The following IL17D variants were observed in gnomAD, a reference collection of about 807,000 sequenced individuals.
The protein encoded by IL17D is interleukin-17D.
Under a neutral mutation model 5.7 loss-of-function variants are expected in IL17D, and 10 were observed. The observed-to-expected ratio is 1.75, with a 90% CI of 1.08 to 2.97. The LOEUF is 2.97. Ranked by LOEUF, IL17D falls within the 30% of genes most tolerant of loss-of-function variation. The pLI is 0.00. For missense variants in IL17D, 354 were observed against 292.7 expected (o/e 1.21, Z -1.53); for synonymous variants, 172 against 141.7 (o/e 1.21, Z -1.52).
rs943611165 is a variant in IL17D at position 20,716,027 on chromosome 13, G to A, written c.291-5609G>A. ...TGCGATTACAGGCATGAGCCACCGC[G>A]CCCGGCCAGAATCGACACTTTTAAC... On this transcript the variant is annotated intron_variant, in intron 1 of 1. Transcript: ENST00000682841. The surrounding 1 kb of genome is among the most constrained non-coding windows in gnomAD (Gnocchi z 4.2). 3.1e-5 allele frequency: 29 copies of A among 942,160 alleles called. No homozygotes were observed. The highest frequency in any genetic ancestry group is 1.2e-4 in the East Asian group (1 of 8,614). 58.4% of individuals were successfully genotyped at this position (942,160 alleles called of 1,614,324 possible).
chr13:20,703,134 C>T (rs2058557534), upstream of IL17D: 1 of 259,868 alleles, frequency 3.8e-6, no homozygotes, highest in Non-Finnish European at 6.0e-6. Context: ...GCCCTCTCCT[C>T]CTCCTGCGTG....
intron 1 of IL17D, chr13:20,713,667 C>T (rs548700622): frequency 1.3e-5 from 2 of 152,314 alleles, no homozygotes; most frequent in Non-Finnish European, 1.5e-5. Context: ...TTGCAATGCT[C>T]CTCACCTGAA....
chr13:20,711,446 C>T (rs1406780178), intron 1 of IL17D, among the ~76,000 whole-genome samples: 1 of 152,134 alleles, frequency 6.6e-6, no homozygotes, highest in African/African-American at 2.4e-5. Context: ...TGGCAGAGCC[C>T]TCCTGACCCA....
chr13:20,713,331 T>G (rs1175266513), intron 1 of IL17D: 1 of 152,232 alleles, frequency 6.6e-6, no homozygotes, highest in Non-Finnish European at 1.5e-5. Flanking sequence ...TTAAAGCAGC[T>G]TATTTAAGAA....
chr13:20,706,885 C>T (rs1196909451), intron 1 of IL17D, among the ~76,000 whole-genome samples: 1 of 152,180 alleles, frequency 6.6e-6, no homozygotes, highest in Non-Finnish European at 1.5e-5. Context: ...GCTGGGTGGT[C>T]CCAGGAGCAG....
intron 1 of IL17D, among the ~76,000 whole-genome samples, chr13:20,718,784 CCACA>C (rs1442899606): frequency 7.1e-6 from 1 of 141,240 alleles, no homozygotes; most frequent in Non-Finnish European, 1.5e-5. Context: ...GCTCACACAC[CCACA>C]CACACCTGCC....
chr13:20,712,708 A>C (rs1283691692), intron 1 of IL17D: 1 of 148,154 alleles, frequency 6.7e-6, no homozygotes, highest in Admixed American at 6.7e-5. Context: ...GCAGGCTGAG[A>C]CCCCTGTGGT....
chr13:20,706,414 A>G (rs2058592612), intron 1 of IL17D, among the ~76,000 whole-genome samples: 1 of 152,260 alleles, frequency 6.6e-6, no homozygotes, highest in African/African-American at 2.4e-5. Context: ...TGCTTTCTAT[A>G]GCAGATTCGA....
Position 20,721,682 on chromosome 13 carries a change from T to C in IL17D, c.337T>C (p.Tyr113His). 1 of 1,610,912 alleles carries C rather than the reference T, an allele frequency of 6.2e-7. No individual in the cohort carries two copies. The stretch of plus-strand genomic sequence containing the variant: ...GTACCCCAGGTACCTGCCTGAAGCC[T>C]ACTGCCTGTGCCGGGGCTGCCTGAC... ...ARYPRYLPEA[Y>H]CLCRGCLTGL... Residue 113 changes from tyrosine to histidine, a missense_variant, in exon 2 of 2, where the codon TAC becomes CAC. By Grantham distance (83) the Tyr-to-His change is moderately conservative. Transcript: ENST00000682841.
At chr13:20,707,465 A>AT in intron 1 of IL17D, among the ~76,000 whole-genome samples, 1 of 136,400 alleles carries the variant, frequency 7.3e-6, no homozygotes, top group South Asian at 2.4e-4. Context: ...AAAAAAAAAA[A>AT]GGAAAAGAAA....
intron 1 of IL17D, among the ~76,000 whole-genome samples, chr13:20,711,835 A>AGG (rs10668245): frequency 0.36 from 54,172 of 151,932 alleles, 11,028 homozygotes; most frequent in East Asian, 0.78. Flanking sequence ...TGTGGGATAC[A>AGG]GACTGGAAGT....
chr13:20,719,326 T>C (rs375555186), intron 1 of IL17D, among the ~76,000 whole-genome samples: 47 of 141,312 alleles, frequency 3.3e-4, no homozygotes, highest in African/African-American at 1.2e-3. Flanking sequence ...CATACTCAGA[T>C]GCCCACACTC....
At chr13:20,719,696 A>T (rs1378842445) in intron 1 of IL17D, among the ~76,000 whole-genome samples, 1 of 152,238 alleles carries the variant, frequency 6.6e-6, no homozygotes, top group Non-Finnish European at 1.5e-5. Flanking sequence ...GAAAATGAAC[A>T]GACACGACAC....
At chr13:20,703,454 A>G, upstream of IL17D, 1 of 982,496 alleles carries the variant, frequency 1.0e-6, no homozygotes, top group Non-Finnish European at 1.2e-6. Context: ...GGTACGAGGA[A>G]AGACCACAGG....
intron 1 of IL17D, among the ~76,000 whole-genome samples, chr13:20,706,536 T>G (rs1378714975): frequency 6.6e-6 from 1 of 152,236 alleles, no homozygotes; most frequent in African/African-American, 2.4e-5. Flanking sequence ...TTGATGGTAT[T>G]TGAGCAAAAT....
At chr13:20,706,941 T>A (rs1371013569) in intron 1 of IL17D, among the ~76,000 whole-genome samples, 1 of 152,090 alleles carries the variant, frequency 6.6e-6, no homozygotes, top group African/African-American at 2.4e-5. Context: ...TGTGCATCAT[T>A]TTTCATATTA....
At chr13:20,707,706 T>C (rs2141383260) in intron 1 of IL17D, among the ~76,000 whole-genome samples, 1 of 152,200 alleles carries the variant, frequency 6.6e-6, no homozygotes, top group Non-Finnish European at 1.5e-5. Flanking sequence ...TTTTGTTTTT[T>C]AGAGATGGGG....
chr13:20,702,755 G>A (rs2058555235), upstream of IL17D: 1 of 152,134 alleles, frequency 6.6e-6, no homozygotes, highest in African/African-American at 2.4e-5. Context: ...TGCCAGTCAG[G>A]GAAGTATTCA....
chr13:20,710,179 T>G (rs1198982224), intron 1 of IL17D, among the ~76,000 whole-genome samples: 1 of 152,192 alleles, frequency 6.6e-6, no homozygotes, highest in Non-Finnish European at 1.5e-5. Context: ...CTCTTTAGCT[T>G]TAAAAACAAA....
Sources: allele counts gnomAD v4.1 joint callset (sites outside exome capture counted in the v4.1 genomes callset), GRCh38; gene constraint gnomAD v4.1.1; non-coding constraint Gnocchi (gnomAD v3.1); transcripts MANE v1.5; gene names NCBI Gene and HGNC (gene_info 2026-07-23, HGNC 2026-07-21).